HIVEP3: variants seen among roughly 807,000 people sequenced by gnomAD.
HIVEP3 encodes HIVEP zinc finger 3.
A neutral mutation model predicts 152.8 loss-of-function variants in HIVEP3; 49 were observed. That is an observed-to-expected ratio of 0.32 (90% CI 0.26 to 0.41). HIVEP3 has a LOEUF of 0.41. Among genes scored for constraint, HIVEP3 ranks in the 10% least tolerant of loss-of-function variants. HIVEP3 has a pLI of 1.00. For missense variants in HIVEP3, 2,790 were observed against 3,103.3 expected, an observed-to-expected ratio of 0.90 and a Z score of 2.40; for synonymous variants, 1,269 against 1,289.0, an observed-to-expected ratio of 0.98 and a Z score of 0.33.
At chr1:41,601,576 T>C (rs1193249356) in intron 3 of HIVEP3, among the ~76,000 whole-genome samples, 8 of 152,184 alleles carry the variant, frequency 5.3e-5, no homozygotes, top group African/African-American at 1.9e-4. Flanking sequence ...GAAATGCCAC[T>C]GATTTTTGTA....
intron 5 of HIVEP3, among the ~76,000 whole-genome samples, chr1:41,572,566 G>A (rs1198183191): frequency 2.0e-5 from 3 of 152,182 alleles, no homozygotes; most frequent in Admixed American, 1.3e-4. Flanking sequence ...CCTTGGTGTA[G>A]TCCCCAAGCA....
chr1:41,758,616 C>A (rs1420857532), intron 1 of HIVEP3, among the ~76,000 whole-genome samples: 12 of 152,162 alleles, frequency 7.9e-5, no homozygotes, highest in African/African-American at 2.9e-4. Context: ...GTCTCTGGGC[C>A]GAGGCCCAGG....
At chr1:41,716,110 C>T (rs1400258350) in intron 1 of HIVEP3, among the ~76,000 whole-genome samples, 2 of 152,186 alleles carry the variant, frequency 1.3e-5, no homozygotes, top group East Asian at 3.9e-4. Context: ...GTGCAGGGAG[C>T]ACAGGGAGGG....
chr1:42,025,753 G>A (rs976925817), intron 1 of HIVEP3, among the ~76,000 whole-genome samples: 3 of 152,146 alleles, frequency 2.0e-5, no homozygotes, highest in Admixed American at 6.5e-5. Flanking sequence ...CAGAAATTGA[G>A]GTGACATAAA....
At chr1:41,678,371 A>G (rs1645988952) in intron 2 of HIVEP3, among the ~76,000 whole-genome samples, 2 of 152,158 alleles carry the variant, frequency 1.3e-5, no homozygotes, top group Admixed American at 1.3e-4. Context: ...TGCTCTCCTT[A>G]GCCAGCTCTG....
chr1:41,792,284 T>C (rs1341901780), intron 1 of HIVEP3, among the ~76,000 whole-genome samples: 2 of 152,224 alleles, frequency 1.3e-5, no homozygotes, highest in Non-Finnish European at 2.9e-5. Context: ...CAGGGCTATG[T>C]CCTTGGGAGA....
chr1:41,616,273 C>T (rs926261987), intron 3 of HIVEP3, among the ~76,000 whole-genome samples: 4 of 152,348 alleles, frequency 2.6e-5, no homozygotes, highest in Admixed American at 2.6e-4. Flanking sequence ...CTGATGAATG[C>T]CACAGCAGGG....
At chr1:41,514,958 G>A (rs948820849) in intron 7 of HIVEP3, among the ~76,000 whole-genome samples, 5 of 152,220 alleles carry the variant, frequency 3.3e-5, no homozygotes, top group Non-Finnish European at 5.9e-5. Flanking sequence ...CCTCTAACAT[G>A]TCAGGAGTCT....
chr1:42,003,834 G>C (rs1352101521), intron 1 of HIVEP3, among the ~76,000 whole-genome samples: 1 of 151,400 alleles, frequency 6.6e-6, no homozygotes, highest in Non-Finnish European at 1.5e-5. Context: ...ACAGTAAAGA[G>C]AAAAAACCTC....
intron 1 of HIVEP3, among the ~76,000 whole-genome samples, chr1:41,775,749 G>A (rs1458204836): frequency 2.6e-5 from 4 of 152,122 alleles, no homozygotes; most frequent in Admixed American, 2.6e-4. Context: ...CCAAAGTGCA[G>A]GGATTACAGG....
chr1:41,648,260 C>T (rs879676657), intron 2 of HIVEP3, among the ~76,000 whole-genome samples: 4 of 152,234 alleles, frequency 2.6e-5, no homozygotes, highest in Admixed American at 2.6e-4. Context: ...CCTAGTCCGA[C>T]AAAGGAAAAT....
chr1:41,978,311 T>A (rs1645272541), intron 1 of HIVEP3, among the ~76,000 whole-genome samples: 1 of 151,932 alleles, frequency 6.6e-6, no homozygotes, highest in South Asian at 2.1e-4. Flanking sequence ...CAAATTCATA[T>A]GTTGAAGCCC....
chr1:41,891,769 G>A (rs1336946645), intron 1 of HIVEP3, among the ~76,000 whole-genome samples: 1 of 152,242 alleles, frequency 6.6e-6, no homozygotes, highest in Non-Finnish European at 1.5e-5. Flanking sequence ...CTCCAGAGGA[G>A]ATCGGGGTTA....
chr1:41,933,805 G>A (rs1054718904), intron 1 of HIVEP3, among the ~76,000 whole-genome samples: 8 of 151,828 alleles, frequency 5.3e-5, no homozygotes, highest in South Asian at 4.2e-4. Context: ...GGTTTCTATT[G>A]TTCTGATTAA....
At chr1:41,659,033 A>T (rs1184270387) in intron 2 of HIVEP3, among the ~76,000 whole-genome samples, 1 of 152,166 alleles carries the variant, frequency 6.6e-6, no homozygotes, top group Non-Finnish European at 1.5e-5. Flanking sequence ...GGCTTTAGTG[A>T]TTGAACCAGG....
At chr1:41,766,682 C>CA (rs1223729426) in intron 1 of HIVEP3, among the ~76,000 whole-genome samples, 2 of 152,210 alleles carry the variant, frequency 1.3e-5, no homozygotes, top group Admixed American at 6.5e-5. Context: ...CCTGCATCAC[C>CA]AACTCCCTCT....
At chr1:41,512,194 T>C (rs77457290) in intron 8 of HIVEP3, among the ~76,000 whole-genome samples, 3,958 of 152,224 alleles carry the variant, frequency 0.026, 173 homozygotes, top group African/African-American at 0.091. Context: ...TCGTGTTGAA[T>C]TGTAAACCCC....
At chr1:41,611,599 G>T (rs1038741069) in intron 3 of HIVEP3, among the ~76,000 whole-genome samples, 4 of 152,362 alleles carry the variant, frequency 2.6e-5, no homozygotes, top group African/African-American at 7.2e-5. Flanking sequence ...CAGGCAGGGG[G>T]TCTGCAGTGT....
At chr1:41,527,796 ACT>A (rs1431005390) in intron 5 of HIVEP3, among the ~76,000 whole-genome samples, 3 of 118,920 alleles carry the variant, frequency 2.5e-5, no homozygotes, top group Admixed American at 1.7e-4. Context: ...TCGTTCTCAC[ACT>A]CTACACCCTA....
Sources: allele counts gnomAD v4.1 joint callset (sites outside exome capture counted in the v4.1 genomes callset), GRCh38; gene constraint gnomAD v4.1.1; transcripts MANE v1.5; gene names NCBI Gene and HGNC (gene_info 2026-07-23, HGNC 2026-07-21).